The following PEBP1 variants were observed in gnomAD, a reference collection of about 807,000 sequenced individuals.
PEBP1 encodes the protein phosphatidylethanolamine binding protein 1.
A neutral mutation model predicts 22.7 loss-of-function variants in PEBP1; 17 were observed. The ratio of observed to expected loss-of-function variants is 0.75; its 90% CI spans 0.51 to 1.12. The LOEUF (loss-of-function observed/expected upper bound fraction) is 1.12. Among genes scored for constraint, PEBP1 ranks in the 50% most tolerant of loss-of-function variants. The pLI is 0.00. For synonymous variants in PEBP1, 106 were observed against 104.3 expected (o/e 1.02, Z -0.10); for missense variants, 205 against 243.5 (o/e 0.84, Z 1.05).
At position 118,144,589 on chromosome 12, in the gene PEBP1, T is replaced by A; in HGVS notation, c.350T>A (p.Leu117His). ...VGSGPPKGTG[L>H]HRYVWLVYEQ... ...TTCCCTCTGCCTCTCCCCACAGGCCTCCACCGCTATGTCTGGCTGGTTTAC... is the reference window on the plus strand; with the variant it reads ...TTCCCTCTGCCTCTCCCCACAGGCCACCACCGCTATGTCTGGCTGGTTTAC... The change falls in exon 4 of 4, where the codon CTC becomes CAC. Residue 117 changes from leucine (L) to histidine (H), a missense_variant. Physicochemically the swap from Leu to His is moderately conservative, Grantham distance 99 (BLOSUM62 -3). Transcript: ENST00000261313. 1 of 1,612,186 alleles carries A rather than the reference T, an allele frequency of 6.2e-7. No homozygotes were observed. The highest frequency in any genetic ancestry group is 8.5e-7 in the Non-Finnish European group (1 of 1,179,216).
intron 1 of PEBP1, 124 bp from the exon 2 acceptor site, chr12:118,137,915 G>C (rs1333172420): frequency 4.8e-5 from 32 of 667,024 alleles, no homozygotes; most frequent in Admixed American, 1.3e-4. Context: ...TCAAACCCCT[G>C]ACCTCAAGTG....
chr12:118,137,416 G>A (rs2034074118), intron 1 of PEBP1, among the ~76,000 whole-genome samples: 1 of 152,112 alleles, frequency 6.6e-6, no homozygotes, highest in Non-Finnish European at 1.5e-5. Flanking sequence ...CAGGTGTGAT[G>A]GTGTGAGCAT....
In PEBP1 at chr12:118,136,187, T is replaced by C. The variant is rs1401089440; in HGVS notation, c.-23T>C. 1 of 1,542,496 alleles carries C rather than the reference T, an allele frequency of 6.5e-7. No homozygotes were observed. The highest frequency in any genetic ancestry group is 8.7e-7 in the Non-Finnish European group (1 of 1,146,180). On this transcript the variant is annotated 5_prime_UTR_variant, in exon 1 of 4. Coordinates refer to ENST00000261313, the MANE Select transcript of PEBP1 (RefSeq NM_002567.4). This position sits in a 1 kb window ranked among gnomAD's most constrained non-coding sequence, Gnocchi z 5.6. ...CCTGGCCTACCGCGGCACTCCCGGC[T>C]GCACGCTCTGCTTGGCCTCGCCATG...
At chr12:118,138,413 A>T (rs2034085951) in intron 2 of PEBP1, among the ~76,000 whole-genome samples, 1 of 151,570 alleles carries the variant, frequency 6.6e-6, no homozygotes, top group Non-Finnish European at 1.5e-5. Flanking sequence ...TTTATTTTTT[A>T]TTTTTTTGAG....
chr12:118,143,157 A>C (rs902930327), intron 3 of PEBP1, among the ~76,000 whole-genome samples: 2 of 152,072 alleles, frequency 1.3e-5, no homozygotes, highest in African/African-American at 4.8e-5. Context: ...CGACCACTAC[A>C]TTCACATTGT....
chr12:118,137,285 C>T (rs1403257940), intron 1 of PEBP1, among the ~76,000 whole-genome samples: 1 of 152,110 alleles, frequency 6.6e-6, no homozygotes, highest in Non-Finnish European at 1.5e-5. Flanking sequence ...GTTGGAATCC[C>T]AGCCTTATCT....
chr12:118,143,078 C>G (rs2034127992), intron 3 of PEBP1, among the ~76,000 whole-genome samples: 1 of 151,960 alleles, frequency 6.6e-6, no homozygotes, highest in Non-Finnish European at 1.5e-5. Context: ...CAAATTCCTC[C>G]TGGGCTCAGG....
In PEBP1 at chr12:118,136,475, A is replaced by G. The variant is rs1043511466; in HGVS notation, c.135+131A>G. 1.3e-5 allele frequency: 15 copies of G among 1,111,502 alleles called. No homozygotes were observed. Among genetic ancestry groups the G allele is most frequent in the Non-Finnish European group, 1.7e-5 (14 of 810,988 alleles). 68.9% of individuals were successfully genotyped at this position (1,111,502 alleles called of 1,614,324 possible). ...AGCCTGCGTGTGTCGAGGCCCCCCCAGGCCAGAGGTCCCGGGGTCCATGTC... is the reference window on the plus strand; with the variant it reads ...AGCCTGCGTGTGTCGAGGCCCCCCCGGGCCAGAGGTCCCGGGGTCCATGTC... On this transcript the variant is annotated intron_variant, in intron 1 of 3. Transcript: ENST00000261313. The surrounding 1 kb of genome is among the most constrained non-coding windows in gnomAD (Gnocchi z 5.6).
intron 3 of PEBP1, among the ~76,000 whole-genome samples, chr12:118,143,049 A>G (rs1260220459): frequency 6.6e-6 from 1 of 151,532 alleles, no homozygotes; most frequent in Non-Finnish European, 1.5e-5. Flanking sequence ...GGGTTTCGCC[A>G]TATTGCCCAA....
chr12:118,141,291 A>G (rs1049266388), intron 3 of PEBP1, among the ~76,000 whole-genome samples: 4 of 151,940 alleles, frequency 2.6e-5, no homozygotes, highest in African/African-American at 7.3e-5. Flanking sequence ...TAATTTTTGT[A>G]TTTTTAGTAG....
At position 118,136,484 on chromosome 12, in the gene PEBP1, G is replaced by T; in HGVS notation, c.135+140G>T. ...GTGTCGAGGCCCCCCCAGGCCAGAG[G>T]TCCCGGGGTCCATGTCCCATGCCTG... On this transcript the variant is annotated intron_variant, in intron 1 of 3. Coordinates refer to ENST00000261313, the MANE Select transcript of PEBP1 (RefSeq NM_002567.4). The surrounding 1 kb of genome is among the most constrained non-coding windows in gnomAD (Gnocchi z 5.6). The T allele has an allele frequency of 9.5e-7, 1 of 1,055,550 alleles. No individual in the cohort carries two copies. 65.4% of individuals were successfully genotyped at this position (1,055,550 alleles called of 1,614,324 possible). A position where few individuals can be genotyped will look rare whatever the true frequency, so the allele number is the denominator to read the frequency against.
At chr12:118,139,644 C>G in intron 3 of PEBP1, 93 bp downstream of exon 3, 1 of 754,904 alleles carries the variant, frequency 1.3e-6, no homozygotes, top group South Asian at 1.7e-5. Context: ...AGCCCTTAAC[C>G]CTGCTGGAAA....
intron 3 of PEBP1, 41 bp downstream of exon 3, chr12:118,139,592 C>A: frequency 1.6e-6 from 2 of 1,238,582 alleles, no homozygotes; most frequent in Non-Finnish European, 2.4e-6. Context: ...GGGGAGGGAG[C>A]TCGGGGGCAC....
At chr12:118,138,223 A>G (rs1044404893) in intron 2 of PEBP1, 75 bp downstream of exon 2, 7 of 1,000,632 alleles carry the variant, frequency 7.0e-6, no homozygotes, top group African/African-American at 1.6e-5. Flanking sequence ...TGCTGGACAC[A>G]GAGAAGTAGA....
chr12:118,139,689 C>T, intron 3 of PEBP1, 138 bp downstream of exon 3: 1 of 557,494 alleles, frequency 1.8e-6, no homozygotes, highest in Admixed American at 3.3e-5. Context: ...CAGCTGCCTT[C>T]AGGGCACACA....
At chr12:118,139,743 G>A (rs1292901933) in intron 3 of PEBP1, among the ~76,000 whole-genome samples, 192 bp downstream of exon 3, 3 of 152,168 alleles carry the variant, frequency 2.0e-5, no homozygotes, top group African/African-American at 7.2e-5. Context: ...CTTGGGTTCT[G>A]GACAGACGGA....
chr12:118,144,701 C>T lies in PEBP1; in HGVS notation c.462C>T (p.Phe154=). ...DHRGKFKVAS[F]RKKYELRAPV... ...GTGGCAAATTCAAGGTGGCGTCCTT[C>T]CGTAAAAAGTATGAGCTCAGGGCCC... The change falls in exon 4 of 4, where the codon TTC becomes TTT. Residue 154 remains phenylalanine (F), a synonymous_variant. Coordinates refer to ENST00000261313, the MANE Select transcript of PEBP1 (RefSeq NM_002567.4). 1.2e-6 allele frequency: 2 copies of T among 1,614,156 alleles called. No homozygotes were observed. The highest frequency in any genetic ancestry group is 1.7e-6 in the Non-Finnish European group (2 of 1,180,026).
intron 3 of PEBP1, among the ~76,000 whole-genome samples, chr12:118,141,278 A>C (rs1007527131): frequency 6.6e-6 from 1 of 151,992 alleles, no homozygotes; most frequent in Non-Finnish European, 1.5e-5. Flanking sequence ...CACCACGCCC[A>C]GCTAATTTTT....
rs993270624 is a variant in PEBP1 at position 118,137,953 on chromosome 12, C to T, written c.136-86C>T. On this transcript the variant is annotated intron_variant, in intron 1 of 3. Transcript: ENST00000261313. Reference sequence around the variant, plus strand: ...CCTCTCTCCTAGGCCTCCCAAAGTGCTGGGATTACAGGCGTGAGCCACCAC... The same window carrying T: ...CCTCTCTCCTAGGCCTCCCAAAGTGTTGGGATTACAGGCGTGAGCCACCAC... 6 of 867,356 alleles carry T rather than the reference C, an allele frequency of 6.9e-6. No individual in the cohort carries two copies. The East Asian group carries it at 1.6e-4, about 23-fold the overall frequency. The allele number at this position is 867,356 out of a possible 1,614,324, so 53.7% of individuals were successfully genotyped here.
Sources: allele counts gnomAD v4.1 joint callset (sites outside exome capture counted in the v4.1 genomes callset), GRCh38; gene constraint gnomAD v4.1.1; non-coding constraint Gnocchi (gnomAD v3.1); transcripts MANE v1.5; gene names NCBI Gene and HGNC (gene_info 2026-07-23, HGNC 2026-07-21).